Variants in VPS41 observed in about 807,000 individuals in gnomAD.
VPS41 encodes the protein vacuolar protein sorting-associated protein 41 homolog.
VPS41 carries 85 observed loss-of-function variants against 130.9 expected under a neutral mutation model. The observed-to-expected ratio is 0.65, with a 90% CI of 0.55 to 0.78. VPS41 has a LOEUF of 0.78. VPS41 is among the 30% of genes least tolerant of loss of function. The pLI, the probability that VPS41 is intolerant of heterozygous loss-of-function variation, is 0.00. For missense variants in VPS41, 874 were observed against 1,018.7 expected, an observed-to-expected ratio of 0.86 and a Z score of 1.93; for synonymous variants, 335 against 332.9, an observed-to-expected ratio of 1.01 and a Z score of -0.07.
chr7:38,783,481 C>T (rs1784388670), intron 10 of VPS41, among the ~76,000 whole-genome samples: 1 of 152,062 alleles, frequency 6.6e-6, no homozygotes, highest in South Asian at 2.1e-4. Context: ...TTACAGTGAG[C>T]CGAGATTGTG....
chr7:38,728,519 T>A (rs747824514), intron 27 of VPS41, 23 bp downstream of exon 27: 2 of 1,614,010 alleles, frequency 1.2e-6, no homozygotes, highest in African/African-American at 1.3e-5. Context: ...TGTTTGGGAT[T>A]TTTTTGGGGA....
intron 2 of VPS41, among the ~76,000 whole-genome samples, chr7:38,888,217 TAA>T (rs1355933722): frequency 1.3e-5 from 2 of 152,066 alleles, no homozygotes; most frequent in African/African-American, 4.8e-5. Context: ...ATGCCCCAAT[TAA>T]AAGACACAGA....
intron 2 of VPS41, among the ~76,000 whole-genome samples, chr7:38,882,011 T>C (rs550079786): frequency 1.6e-3 from 250 of 152,220 alleles, no homozygotes; most frequent in Admixed American, 4.8e-3. Context: ...AAGTGTCCCA[T>C]ACAAGCATTC....
intron 4 of VPS41, among the ~76,000 whole-genome samples, chr7:38,832,181 A>G (rs1176663379): frequency 1.3e-5 from 2 of 151,416 alleles, no homozygotes; most frequent in Non-Finnish European, 1.5e-5. Flanking sequence ...AATCTATAAG[A>G]GCTCTTTTCT....
At chr7:38,789,761 G>T in intron 10 of VPS41, 40 bp downstream of exon 10, 1 of 1,607,262 alleles carries the variant, frequency 6.2e-7, no homozygotes, top group Non-Finnish European at 8.5e-7. Context: ...AATTTTGAAT[G>T]AAGTTTTACA....
intron 2 of VPS41, among the ~76,000 whole-genome samples, chr7:38,882,795 A>G (rs1387607022): frequency 6.6e-6 from 1 of 152,212 alleles, no homozygotes; most frequent in African/African-American, 2.4e-5. Context: ...AAAAGCAACT[A>G]CAGCCTTCAT....
rs374797652 is a variant in VPS41 at position 38,763,537 on chromosome 7, G to C, written c.1340C>G (p.Pro447Arg). The C allele has an allele frequency of 1.3e-5, 20 of 1,596,324 alleles. No homozygotes were observed. Among genetic ancestry groups the C allele is most frequent in the Non-Finnish European group, 1.7e-5 (20 of 1,173,258 alleles). ...AACTGGATCACCTCTTGGCAAATAA[G>C]GACTAATAGCCTAGGTAAGGAAAAG... Reference protein sequence around the residue: ...KEIGQLKAISPYLPRGDPVLK... With the variant: ...KEIGQLKAISRYLPRGDPVLK... The change falls in exon 17 of 29, where the codon CCT (proline) becomes CGT (arginine). Residue 447 changes from proline to arginine, a missense_variant. Transcript: ENST00000310301.
chr7:38,877,187 A>T (rs989111853), intron 2 of VPS41, among the ~76,000 whole-genome samples: 1 of 152,228 alleles, frequency 6.6e-6, no homozygotes, highest in Non-Finnish European at 1.5e-5. Context: ...AAACGTATGT[A>T]GTAACAGCAG....
intron 5 of VPS41, among the ~76,000 whole-genome samples, chr7:38,823,175 T>C (rs1785210124): frequency 6.6e-6 from 1 of 152,124 alleles, no homozygotes; most frequent in Admixed American, 6.5e-5. Flanking sequence ...CCCTCATAGG[T>C]GAGATTGGTG....
chr7:38,862,287 T>C (rs2116309909), intron 4 of VPS41, among the ~76,000 whole-genome samples: 1 of 152,320 alleles, frequency 6.6e-6, no homozygotes, highest in African/African-American at 2.4e-5. Flanking sequence ...AATAGATGTA[T>C]AGATTTTTAC....
chr7:38,724,260 A>T lies in VPS41; in HGVS notation c.*1986T>A, dbSNP rs983410454. On this transcript the variant is annotated 3_prime_UTR_variant, in exon 29 of 29. Coordinates refer to ENST00000310301, the MANE Select transcript of VPS41 (RefSeq NM_014396.4). Reference sequence around the variant, plus strand: ...CAAATCCTATTGATGATCTTAAAGTAAACTTTTCTGGAAATGAGCTTGCTC... The same window carrying T: ...CAAATCCTATTGATGATCTTAAAGTTAACTTTTCTGGAAATGAGCTTGCTC... 1.3e-5 allele frequency: 2 copies of T among 152,252 alleles called. No homozygotes were observed. Among genetic ancestry groups the T allele is most frequent in the African/African-American group, 4.8e-5 (2 of 41,468 alleles). 9.4% of individuals were successfully genotyped at this position (152,252 alleles called of 1,614,324 possible).
intron 9 of VPS41, among the ~76,000 whole-genome samples, chr7:38,791,907 A>G (rs932225449): frequency 1.3e-5 from 2 of 152,168 alleles, no homozygotes; most frequent in Non-Finnish European, 2.9e-5. Context: ...GAGATTTGAG[A>G]GACATTGACA....
At chr7:38,755,120 T>C (rs902786384) in intron 19 of VPS41, among the ~76,000 whole-genome samples, 184 bp from the exon 20 acceptor site, 5 of 152,226 alleles carry the variant, frequency 3.3e-5, no homozygotes, top group Non-Finnish European at 7.3e-5. Context: ...CATTTTCAAA[T>C]GCATCTCAAT....
intron 2 of VPS41, among the ~76,000 whole-genome samples, chr7:38,884,386 C>A (rs572805761): frequency 6.6e-6 from 1 of 152,302 alleles, no homozygotes; most frequent in South Asian, 2.1e-4. Context: ...AAAATTTACA[C>A]ATCTAACATA....
chr7:38,742,016 A>G lies in VPS41; in HGVS notation c.2228T>C (p.Leu743Ser), dbSNP rs1562567719. 1 of 1,613,240 alleles carries G rather than the reference A, an allele frequency of 6.2e-7. No homozygotes were observed. The highest frequency in any genetic ancestry group is 8.5e-7 in the Non-Finnish European group (1 of 1,179,642). Reference protein sequence around the residue: ...GMEIPNLRDSLVKILQDYNLQ... With the variant: ...GMEIPNLRDSSVKILQDYNLQ... The stretch of plus-strand genomic sequence containing the variant: ...ATTGTAGTCTTGCAGAATTTTAACC[A>G]AGGAATCTCTCAAATTGGGGATCTC... The change falls in exon 25 of 29, where the codon TTG becomes TCG. Residue 743 changes from leucine (L) to serine (S), a missense_variant. Transcript: ENST00000310301.
chr7:38,864,176 G>A (rs2116318600), intron 3 of VPS41, among the ~76,000 whole-genome samples: 1 of 152,238 alleles, frequency 6.6e-6, no homozygotes, highest in South Asian at 2.1e-4. Context: ...GGAAACTAAG[G>A]GAGAAGGGAG....
intron 2 of VPS41, among the ~76,000 whole-genome samples, chr7:38,886,392 C>T (rs538069297): frequency 5.3e-5 from 8 of 152,356 alleles, no homozygotes; most frequent in Admixed American, 4.6e-4. Flanking sequence ...GAGCCTTACT[C>T]GCTGCTAACG....
chr7:38,819,218 CA>C (rs1300903161), intron 6 of VPS41, among the ~76,000 whole-genome samples: 1 of 152,238 alleles, frequency 6.6e-6, no homozygotes, highest in African/African-American at 2.4e-5. Flanking sequence ...GTCTAACTTG[CA>C]ATAGCTAGGC....
chr7:38,800,932 GTA>G (rs1207386199), intron 7 of VPS41, among the ~76,000 whole-genome samples: 4 of 152,212 alleles, frequency 2.6e-5, no homozygotes, highest in African/African-American at 4.8e-5. Flanking sequence ...TACATAAACT[GTA>G]TATACTTTTC....
Sources: allele counts gnomAD v4.1 joint callset (sites outside exome capture counted in the v4.1 genomes callset), GRCh38; gene constraint gnomAD v4.1.1; transcripts MANE v1.5; gene names NCBI Gene and HGNC (gene_info 2026-07-23, HGNC 2026-07-21).